PBX3: variants seen among roughly 807,000 people sequenced by gnomAD.
The protein encoded by PBX3 is pre-B-cell leukemia transcription factor 3.
A neutral mutation model predicts 48.5 loss-of-function variants in PBX3; 14 were observed. That is an observed-to-expected ratio of 0.29 (90% CI 0.19 to 0.45). The LOEUF (loss-of-function observed/expected upper bound fraction) is 0.45, where lower values mean the gene tolerates loss of function less well. PBX3 is among the 20% of genes least tolerant of loss of function. The pLI, the probability that PBX3 is intolerant of heterozygous loss-of-function variation, is 1.00. For synonymous variants in PBX3, 210 were observed against 200.3 expected (o/e 1.05, Z -0.41); for missense variants, 386 against 546.7 (o/e 0.71, Z 2.93).
At chr9:125,930,714 C>T (rs1841694610) in intron 4 of PBX3, among the ~76,000 whole-genome samples, 1 of 152,174 alleles carries the variant, frequency 6.6e-6, no homozygotes, top group South Asian at 2.1e-4. Flanking sequence ...TTATTTTCAT[C>T]TCAGTTCCTG....
At chr9:125,754,525 C>A (rs984715266) in intron 2 of PBX3, among the ~76,000 whole-genome samples, 1 of 151,896 alleles carries the variant, frequency 6.6e-6, no homozygotes, top group African/African-American at 2.4e-5. Context: ...CTATATTTAG[C>A]AAATAATAAG....
intron 2 of PBX3, among the ~76,000 whole-genome samples, chr9:125,812,135 A>G (rs539402532): frequency 3.3e-4 from 50 of 152,340 alleles, no homozygotes; most frequent in African/African-American, 1.2e-3. Flanking sequence ...CCTAGCTTCC[A>G]GAACTGTGAA....
At chr9:125,857,952 C>G (rs202091562) in intron 2 of PBX3, among the ~76,000 whole-genome samples, 1 of 152,172 alleles carries the variant, frequency 6.6e-6, no homozygotes, top group African/African-American at 2.4e-5. Flanking sequence ...AAGATGTAGT[C>G]AATTGGAGTA....
chr9:125,962,917 C>A, intron 7 of PBX3, 95 bp from the exon 8 acceptor site: 1 of 546,462 alleles, frequency 1.8e-6, no homozygotes. Flanking sequence ...AGATGTTAAA[C>A]CCTTGTGGCA....
intron 8 of PBX3, 110 bp from the exon 9 acceptor site, chr9:125,965,721 T>C: frequency 2.5e-6 from 2 of 790,770 alleles, no homozygotes; most frequent in East Asian, 2.5e-5. Context: ...GTTTAGAAAA[T>C]ACATTTTGCT....
Position 125,856,470 on chromosome 9 carries a change from G to A in PBX3, c.275-59216G>A, listed in dbSNP as rs571277902. Among the ~76,000 whole-genome samples, 30 of 152,310 alleles carry A rather than the reference G, an allele frequency of 2.0e-4. 1 individual carries two copies. In the Middle Eastern group the frequency reaches 0.01, roughly 52 times the overall value. Reference sequence around the variant, plus strand: ...TAACACGCATATTAAATAGGGACTGGCCTTGCATCTGTATTTGCAGTGATC... The same window carrying A: ...TAACACGCATATTAAATAGGGACTGACCTTGCATCTGTATTTGCAGTGATC... On this transcript the variant is annotated intron_variant, in intron 2 of 8. Coordinates refer to ENST00000373489, the MANE Select transcript of PBX3 (RefSeq NM_006195.6).
chr9:125,789,763 G>A (rs1837549551), intron 2 of PBX3, among the ~76,000 whole-genome samples: 1 of 151,780 alleles, frequency 6.6e-6, no homozygotes, highest in Non-Finnish European at 1.5e-5. Flanking sequence ...TGGGTGAAAG[G>A]GTATACATCA....
intron 2 of PBX3, among the ~76,000 whole-genome samples, chr9:125,779,263 A>G (rs974201891): frequency 1.6e-5 from 2 of 122,610 alleles, no homozygotes; most frequent in South Asian, 5.2e-4. Context: ...TTTTTTTTTA[A>G]TTTTTATTTT....
intron 2 of PBX3, among the ~76,000 whole-genome samples, chr9:125,793,366 A>AAATATATAT (rs59271982): frequency 0.011 from 1,098 of 101,832 alleles, 4 homozygotes; most frequent in Middle Eastern, 0.025. Context: ...GGAAAAAAAA[A>AAATATATAT]ATATATATAT....
chr9:125,878,267 T>C (rs1367671025), intron 2 of PBX3, among the ~76,000 whole-genome samples: 1 of 152,140 alleles, frequency 6.6e-6, no homozygotes, highest in Non-Finnish European at 1.5e-5. Flanking sequence ...AAATGACAGC[T>C]TGGAGGGGGG....
At chr9:125,768,995 C>T (rs1027374717) in intron 2 of PBX3, among the ~76,000 whole-genome samples, 1 of 152,114 alleles carries the variant, frequency 6.6e-6, no homozygotes, top group South Asian at 2.1e-4. Context: ...GCTAGTTCAG[C>T]TTGCAACTCA....
intron 5 of PBX3, among the ~76,000 whole-genome samples, chr9:125,948,682 CTG>C (rs1192579546): frequency 1.3e-5 from 2 of 148,964 alleles, no homozygotes; most frequent in African/African-American, 4.9e-5. Context: ...CTGTACATAT[CTG>C]TATATATGTG....
At position 125,911,605 on chromosome 9, in the gene PBX3, T is replaced by C. The variant is rs185995146; in HGVS notation, c.275-4081T>C. ...ATATCTCATCTGGCCTTGTTTTACATGGCACTCTGCTAAAACATTTTTCTC... is the reference window on the plus strand; with the variant it reads ...ATATCTCATCTGGCCTTGTTTTACACGGCACTCTGCTAAAACATTTTTCTC... On this transcript the variant is annotated intron_variant, in intron 2 of 8. Coordinates refer to ENST00000373489, the MANE Select transcript of PBX3 (RefSeq NM_006195.6). 3.9e-3 allele frequency among the ~76,000 whole-genome samples: 595 copies of C among 152,288 alleles called. 14 individuals are homozygous for C. Among genetic ancestry groups the C allele is most frequent in the Admixed American group, 0.031 (474 of 15,286 alleles).
chr9:125,783,377 T>A (rs1220418090), intron 2 of PBX3, among the ~76,000 whole-genome samples: 1 of 152,116 alleles, frequency 6.6e-6, no homozygotes, highest in Non-Finnish European at 1.5e-5. Flanking sequence ...AACCTCTGCC[T>A]CCTGGGTTCA....
At chr9:125,874,076 G>A (rs1840190210) in intron 2 of PBX3, among the ~76,000 whole-genome samples, 1 of 152,124 alleles carries the variant, frequency 6.6e-6, no homozygotes, top group African/African-American at 2.4e-5. Flanking sequence ...TGAACACTTT[G>A]TCAATACATT....
At chr9:125,925,158 T>C (rs1281167382) in intron 3 of PBX3, among the ~76,000 whole-genome samples, 3 of 152,222 alleles carry the variant, frequency 2.0e-5, no homozygotes, top group Non-Finnish European at 4.4e-5. Flanking sequence ...CTAAGTCAAA[T>C]GGGCTTTTAT....
intron 5 of PBX3, among the ~76,000 whole-genome samples, chr9:125,944,899 C>G (rs1341083878): frequency 6.6e-6 from 1 of 152,098 alleles, no homozygotes; most frequent in Non-Finnish European, 1.5e-5. Context: ...CACTGTGCCT[C>G]CTTTTCTCAA....
In PBX3 at chr9:125,891,481, G is replaced by A. The variant is rs149938652; in HGVS notation, c.275-24205G>A. ...AAAAAGCAGAGAGGAAAGTACTTAG[G>A]TACTTACAGCCATTGTGTAAAAATG... On this transcript the variant is annotated intron_variant, in intron 2 of 8. Coordinates refer to ENST00000373489, the MANE Select transcript of PBX3 (RefSeq NM_006195.6). Among the ~76,000 whole-genome samples the A allele has an allele frequency of 3.3e-5, 5 of 152,298 alleles. No individual in the cohort carries two copies. The East Asian group carries it at 9.6e-4, about 29-fold the overall frequency.
chr9:125,834,867 A>G (rs1368974326), intron 2 of PBX3, among the ~76,000 whole-genome samples: 1 of 150,664 alleles, frequency 6.6e-6, no homozygotes, highest in Non-Finnish European at 1.5e-5. Context: ...AATACAAAAA[A>G]TGAGCCAAGT....
Sources: gnomAD v4.1 joint callset for allele counts (sites outside exome capture counted in the v4.1 genomes callset) on GRCh38, gnomAD v4.1.1 for gene constraint, MANE v1.5 for transcripts, NCBI Gene and HGNC (gene_info 2026-07-23, HGNC 2026-07-21) for gene names.